The following COL26A1 variants were observed in gnomAD, a reference collection of about 807,000 sequenced individuals.
The protein encoded by COL26A1 is collagen type XXVI alpha 1 chain.
COL26A1 carries 41 observed loss-of-function variants against 59.3 expected under a neutral mutation model. The observed-to-expected ratio is 0.69, with a 90% CI of 0.54 to 0.90. COL26A1 has a LOEUF of 0.90. COL26A1 is among the 40% of genes least tolerant of loss of function. The pLI is 0.00. For synonymous variants in COL26A1, 266 were observed against 256.0 expected (o/e 1.04, Z -0.37); for missense variants, 612 against 602.3 (o/e 1.02, Z -0.17).
At chr7:101,391,211 G>A (rs1446123726) in intron 1 of COL26A1, among the ~76,000 whole-genome samples, 2 of 152,198 alleles carry the variant, frequency 1.3e-5, no homozygotes. Context: ...AGTTTCTCTG[G>A]TCTCAGTTTA....
intron 4 of COL26A1, among the ~76,000 whole-genome samples, chr7:101,539,280 G>A (rs536132750): frequency 2.9e-5 from 4 of 135,640 alleles, no homozygotes. Flanking sequence ...TTTTCTGTCT[G>A]TGTGTGTGTG....
At chr7:101,425,623 A>G (rs1283582932) in intron 2 of COL26A1, among the ~76,000 whole-genome samples, 3 of 151,238 alleles carry the variant, frequency 2.0e-5, no homozygotes, top group African/African-American at 7.3e-5. Context: ...CAGCCTCCCA[A>G]GTAGCTGGGA....
At chr7:101,378,205 C>T in intron 1 of COL26A1, among the ~76,000 whole-genome samples, 1 of 152,076 alleles carries the variant, frequency 6.6e-6, no homozygotes. Context: ...CATGTTGAAA[C>T]CCTGTCTCTA....
At chr7:101,475,812 CTT>C (rs1280470371) in intron 3 of COL26A1, among the ~76,000 whole-genome samples, 4 of 146,346 alleles carry the variant, frequency 2.7e-5, no homozygotes, top group African/African-American at 1.0e-4. Context: ...TTCCTTCTTT[CTT>C]TCTTTCTCTC....
intron 2 of COL26A1, among the ~76,000 whole-genome samples, chr7:101,441,745 T>C (rs1310662055): frequency 6.6e-6 from 1 of 152,034 alleles, no homozygotes; most frequent in Non-Finnish European, 1.5e-5. Context: ...CTGTGTGAGG[T>C]GGAGGAGGGC....
intron 3 of COL26A1, among the ~76,000 whole-genome samples, chr7:101,463,901 C>CTTTCT (rs1156868835): frequency 2.9e-5 from 1 of 34,210 alleles, no homozygotes; most frequent in African/African-American, 1.2e-4. Context: ...TTCTTTCTTT[C>CTTTCT]TTTTTCTTTC....
chr7:101,529,177 A>C (rs192134881), intron 3 of COL26A1, among the ~76,000 whole-genome samples: 3 of 152,270 alleles, frequency 2.0e-5, no homozygotes, highest in Non-Finnish European at 4.4e-5. Context: ...AAAGAAAATT[A>C]TTTTATGTTA....
chr7:101,402,321 A>C (rs1792027654), intron 1 of COL26A1, among the ~76,000 whole-genome samples: 1 of 152,102 alleles, frequency 6.6e-6, no homozygotes, highest in African/African-American at 2.4e-5. Context: ...AACACTGGGA[A>C]CCAGCCTCCC....
intron 2 of COL26A1, among the ~76,000 whole-genome samples, chr7:101,436,364 G>T (rs1426360115): frequency 6.6e-6 from 1 of 152,158 alleles, no homozygotes; most frequent in East Asian, 1.9e-4. Flanking sequence ...CTCGTTTCCT[G>T]TTGAGTCTCC....
intron 7 of COL26A1, among the ~76,000 whole-genome samples, chr7:101,545,943 C>T (rs955150107): frequency 5.3e-5 from 8 of 152,270 alleles, no homozygotes; most frequent in African/African-American, 1.9e-4. Flanking sequence ...GGTCATTCAG[C>T]AGGTGTTTAG....
intron 1 of COL26A1, among the ~76,000 whole-genome samples, chr7:101,379,056 C>T (rs866925688): frequency 1.3e-5 from 2 of 152,080 alleles, no homozygotes; most frequent in Non-Finnish European, 2.9e-5. Context: ...CGGCTGTCTG[C>T]GCCCCAGCCA....
At chr7:101,427,411 C>T (rs1001545927) in intron 2 of COL26A1, among the ~76,000 whole-genome samples, 2 of 151,996 alleles carry the variant, frequency 1.3e-5, no homozygotes, top group African/African-American at 4.8e-5. Flanking sequence ...CCTGTAATCC[C>T]AGCACTTTGG....
intron 3 of COL26A1, among the ~76,000 whole-genome samples, chr7:101,512,484 G>A (rs1008356506): frequency 1.3e-5 from 2 of 152,054 alleles, no homozygotes; most frequent in Admixed American, 1.3e-4. Context: ...GCCAGTGTGC[G>A]GCATGTGCCT....
chr7:101,512,617 G>A (rs67232716), intron 3 of COL26A1, among the ~76,000 whole-genome samples: 12,094 of 152,160 alleles, frequency 0.079, 553 homozygotes, highest in South Asian at 0.1. Flanking sequence ...GCAAGACCCT[G>A]TCTCAAAAAA....
intron 2 of COL26A1, among the ~76,000 whole-genome samples, chr7:101,443,755 CTG>C (rs1793117131): frequency 6.6e-6 from 1 of 151,800 alleles, no homozygotes; most frequent in South Asian, 2.1e-4. Flanking sequence ...AATTTCGAAA[CTG>C]TGGGAGTGTG....
chr7:101,479,492 G>A (rs1794113176), intron 3 of COL26A1, among the ~76,000 whole-genome samples: 1 of 152,158 alleles, frequency 6.6e-6, no homozygotes, highest in Non-Finnish European at 1.5e-5. Flanking sequence ...AAGATTTACT[G>A]AAGGTGTCTT....
intron 3 of COL26A1, among the ~76,000 whole-genome samples, chr7:101,457,827 A>G (rs144863005): frequency 1.4e-5 from 2 of 145,132 alleles, no homozygotes; most frequent in Non-Finnish European, 3.0e-5. Context: ...GTTTACTTGT[A>G]TTTGTTGCTG....
intron 1 of COL26A1, among the ~76,000 whole-genome samples, chr7:101,386,001 G>A (rs1376949984): frequency 1.3e-5 from 2 of 152,040 alleles, no homozygotes; most frequent in African/African-American, 2.4e-5. Flanking sequence ...GTGAGCCACC[G>A]CGCCCGGCCA....
chr7:101,468,787 A>G (rs1793826190), intron 3 of COL26A1, among the ~76,000 whole-genome samples: 1 of 152,150 alleles, frequency 6.6e-6, no homozygotes, highest in Non-Finnish European at 1.5e-5. Context: ...TTCTCTGGCC[A>G]TCTGTAGGGG....
Sources: gnomAD v4.1 joint callset for allele counts (sites outside exome capture counted in the v4.1 genomes callset) on GRCh38, gnomAD v4.1.1 for gene constraint, MANE v1.5 for transcripts, NCBI Gene and HGNC (gene_info 2026-07-23, HGNC 2026-07-21) for gene names.